FKTN: variants seen among roughly 807,000 people sequenced by gnomAD.
FKTN encodes fukutin.
FKTN carries 47 observed loss-of-function variants against 58.6 expected under a neutral mutation model. The observed-to-expected ratio is 0.80, with a 90% confidence interval of 0.63 to 1.02. The LOEUF is 1.02. Among genes scored for constraint, FKTN ranks in the 50% least tolerant of loss-of-function variants. FKTN has a pLI of 0.00. For synonymous variants in FKTN, 178 were observed against 191.9 expected, an observed-to-expected ratio of 0.93 and a Z score of 0.60; for missense variants, 516 against 537.3, an observed-to-expected ratio of 0.96 and a Z score of 0.39.
chr9:105,622,139 C>T (rs2133255219), intron 10 of FKTN, among the ~76,000 whole-genome samples: 1 of 152,174 alleles, frequency 6.6e-6, no homozygotes, highest in Non-Finnish European at 1.5e-5. Context: ...TTATCAATTA[C>T]TTGTAATCAG....
chr9:105,637,616 C>CT lies in FKTN; in HGVS notation c.*2355dup. The CT allele has an allele frequency of 1.0e-6, 1 of 985,446 alleles. No homozygotes were observed. Among genetic ancestry groups the CT allele is most frequent in the African/African-American group, 1.7e-5 (1 of 57,368 alleles). The allele number at this position is 985,446 out of a possible 1,614,324, so 61.0% of individuals were successfully genotyped here. On this transcript the variant is annotated 3_prime_UTR_variant, in exon 11 of 11. Coordinates refer to ENST00000357998, the MANE Select transcript of FKTN (RefSeq NM_001079802.2). The stretch of plus-strand genomic sequence containing the variant: ...TTCAGTACCTCATTGGATCACTTTT[C>CT]TTTCATCACTTGAGTATTCTAGCAG...
At chr9:105,562,033 C>A (rs74506986) in intron 1 of FKTN, among the ~76,000 whole-genome samples, 1 of 151,096 alleles carries the variant, frequency 6.6e-6, no homozygotes, top group Non-Finnish European at 1.5e-5. Flanking sequence ...TTCCTAATTA[C>A]ACTACTCTCT....
Position 105,640,554 on chromosome 9 carries a change from GAA to G in FKTN, c.*5302_*5303del, listed in dbSNP as rs879263714. Reference sequence around the variant, plus strand: ...GGCGATAGAGCAAGACTCTGTCTCAGAAAAAAAAAAAAAGGAAAGAAAGAAAT... The same window carrying G: ...GGCGATAGAGCAAGACTCTGTCTCAGAAAAAAAAAAAGGAAAGAAAGAAAT... On this transcript the variant is annotated 3_prime_UTR_variant, in exon 11 of 11. Coordinates refer to ENST00000357998, the MANE Select transcript of FKTN (RefSeq NM_001079802.2). The G allele has an allele frequency of 5.3e-5, 7 of 131,536 alleles. No individual in the cohort carries two copies. Among genetic ancestry groups the G allele is most frequent in the Admixed American group, 7.7e-5 (1 of 12,946 alleles). 8.1% of individuals were successfully genotyped at this position (131,536 alleles called of 1,614,324 possible).
At chr9:105,621,562 C>G (rs1436754354) in intron 10 of FKTN, among the ~76,000 whole-genome samples, 1 of 151,954 alleles carries the variant, frequency 6.6e-6, no homozygotes, top group African/African-American at 2.4e-5. Flanking sequence ...TTTCTAGTTG[C>G]CCTTTACAGA....
At position 105,636,688 on chromosome 9, in the gene FKTN, C is replaced by A. The variant is rs1175129064; in HGVS notation, c.*1424C>A. On this transcript the variant is annotated 3_prime_UTR_variant, in exon 11 of 11. Coordinates refer to ENST00000357998, the MANE Select transcript of FKTN (RefSeq NM_001079802.2). ...CTTTGTCTAGGAAAGGAAGCTGAATCTTATATCTTATCTATGCTATTTAGG... is the reference window on the plus strand; with the variant it reads ...CTTTGTCTAGGAAAGGAAGCTGAATATTATATCTTATCTATGCTATTTAGG... 7.8e-7 allele frequency: 1 copy of A among 1,279,468 alleles called. No individual in the cohort carries two copies. Among genetic ancestry groups the A allele is most frequent in the Non-Finnish European group, 1.0e-6 (1 of 972,548 alleles). 79.3% of individuals were successfully genotyped at this position (1,279,468 alleles called of 1,614,324 possible).
In FKTN at chr9:105,615,299, G is replaced by T. The variant is rs878854165; in HGVS notation, c.802G>T (p.Val268Leu). 5 of 1,613,910 alleles carry T rather than the reference G, an allele frequency of 3.1e-6. No homozygotes were observed. The highest frequency in any genetic ancestry group is 1.7e-6 in the Non-Finnish European group (2 of 1,179,862). ...FFQQYLDDNT[V>L]EAVAFRKSAK... is the part of the protein sequence containing the mutation. The stretch of plus-strand genomic sequence containing the variant: ...GTAGCAGTACCTTGATGATAACACT[G>T]TGGAAGCTGTGGCCTTTCGGAAGAG... The change falls in exon 8 of 11, where the codon GTG (valine) becomes TTG (leucine). Residue 268 changes from valine to leucine, a missense_variant. Coordinates refer to ENST00000357998, the MANE Select transcript of FKTN (RefSeq NM_001079802.2).
At chr9:105,608,596 G>A (rs1187594665) in intron 7 of FKTN, among the ~76,000 whole-genome samples, 3 of 152,174 alleles carry the variant, frequency 2.0e-5, no homozygotes, top group Non-Finnish European at 4.4e-5. Context: ...GTGGGGTTTT[G>A]GTACCTGAAT....
Position 105,640,166 on chromosome 9 carries a change from C to T in FKTN, c.*4902C>T. ...TCACATCAGACTGAAATCCTAATTA[C>T]AGTTCATAAGTGAAACAGACTAATT... On this transcript the variant is annotated 3_prime_UTR_variant, in exon 11 of 11. Transcript: ENST00000357998. 6.5e-6 allele frequency: 10 copies of T among 1,535,028 alleles called. No homozygotes were observed. Among genetic ancestry groups the T allele is most frequent in the Non-Finnish European group, 8.7e-6 (10 of 1,146,576 alleles).
intron 10 of FKTN, among the ~76,000 whole-genome samples, chr9:105,620,859 T>G (rs1323000763): frequency 3.3e-5 from 5 of 151,662 alleles, no homozygotes; most frequent in Admixed American, 1.3e-4. Context: ...CATGAGAAAT[T>G]TACAGATTAG....
intron 4 of FKTN, among the ~76,000 whole-genome samples, chr9:105,599,802 G>A (rs1430049233): frequency 6.6e-6 from 1 of 152,062 alleles, no homozygotes; most frequent in African/African-American, 2.4e-5. Flanking sequence ...TTTTGCTGTT[G>A]AGTATGGCAC....
intron 6 of FKTN, among the ~76,000 whole-genome samples, chr9:105,606,107 TCATG>T (rs1347103651): frequency 1.3e-5 from 2 of 152,066 alleles, no homozygotes; most frequent in African/African-American, 4.8e-5. Context: ...TAAATTATGT[TCATG>T]GATGTATACC....
intron 3 of FKTN, among the ~76,000 whole-genome samples, chr9:105,581,504 T>C (rs1484888863): frequency 1.3e-5 from 2 of 151,170 alleles, no homozygotes; most frequent in Non-Finnish European, 2.9e-5. Flanking sequence ...GGGACCCACT[T>C]GAGGAGGCAG....
chr9:105,598,030 A>G (rs1827126062), intron 4 of FKTN: 5 of 381,508 alleles, frequency 1.3e-5, no homozygotes, highest in Non-Finnish European at 2.7e-5. Context: ...TTTGTGAAAA[A>G]TTTAAAGCTT....
intron 4 of FKTN, chr9:105,600,903 A>T (rs746572017): frequency 1.5e-5 from 6 of 408,416 alleles, no homozygotes; most frequent in South Asian, 5.4e-5. Flanking sequence ...TATGTTGTAT[A>T]TGTTTTTCTT....
At chr9:105,602,563 T>C (rs564359284) in intron 5 of FKTN, among the ~76,000 whole-genome samples, 1 of 152,332 alleles carries the variant, frequency 6.6e-6, no homozygotes, top group Admixed American at 6.5e-5. Context: ...TTGTTTTTGT[T>C]TTTGTTTTTT....
intron 1 of FKTN, among the ~76,000 whole-genome samples, chr9:105,562,458 T>G (rs181298984): frequency 2.9e-4 from 44 of 152,318 alleles, no homozygotes; most frequent in African/African-American, 9.9e-4. Flanking sequence ...TGGTCCAGAA[T>G]GCAAAGGTCT....
At chr9:105,611,588 C>T (rs1018895366) in intron 7 of FKTN, among the ~76,000 whole-genome samples, 1 of 152,148 alleles carries the variant, frequency 6.6e-6, no homozygotes, top group African/African-American at 2.4e-5. Context: ...CTTATAAAAA[C>T]ATGAAGTATT....
rs753970146 is a variant in FKTN, at chr9:105,638,512, C to G, written c.*3248C>G. ...CATTGCCACTTTACCATTCTATTTCCCAAGGGAACCATCAGCACCAACCTG... is the reference window on the plus strand; with the variant it reads ...CATTGCCACTTTACCATTCTATTTCGCAAGGGAACCATCAGCACCAACCTG... On this transcript the variant is annotated 3_prime_UTR_variant, in exon 11 of 11. Transcript: ENST00000357998. 8 of 985,332 alleles carry G rather than the reference C, an allele frequency of 8.1e-6. No individual in the cohort carries two copies. Among genetic ancestry groups the G allele is most frequent in the South Asian group, 9.4e-5 (2 of 21,262 alleles). 61.0% of individuals were successfully genotyped at this position (985,332 alleles called of 1,614,324 possible). A position where few individuals can be genotyped will look rare whatever the true frequency, so the allele number is the denominator to read the frequency against.
At chr9:105,586,177 C>T (rs1843868795) in intron 3 of FKTN, among the ~76,000 whole-genome samples, 1 of 152,146 alleles carries the variant, frequency 6.6e-6, no homozygotes, top group Admixed American at 6.6e-5. Context: ...TATGATCCTC[C>T]AAATGGGATC....
Sources: allele counts gnomAD v4.1 joint callset (sites outside exome capture counted in the v4.1 genomes callset), GRCh38; gene constraint gnomAD v4.1.1; transcripts MANE v1.5; gene names NCBI Gene and HGNC (gene_info 2026-07-23, HGNC 2026-07-21).